CCDC7: variants seen among roughly 807,000 people sequenced by gnomAD.
CCDC7 encodes coiled-coil domain-containing protein 7.
Under a neutral mutation model 196.9 loss-of-function variants are expected in CCDC7, and 183 were observed. That is an observed-to-expected ratio of 0.93 (90% CI 0.82 to 1.05). The LOEUF is 1.05. Among genes scored for constraint, CCDC7 ranks in the 50% least tolerant of loss-of-function variants. The probability of loss-of-function intolerance (pLI) is 0.00; values close to 1 mark genes in which losing one functional copy is unlikely to be tolerated. For synonymous variants in CCDC7, 525 were observed against 484.6 expected (o/e 1.08, Z -1.10); for missense variants, 1,540 against 1,482.2 (o/e 1.04, Z -0.64).
chr10:32,555,877 G>C (rs2054261979), intron 13 of CCDC7, among the ~76,000 whole-genome samples: 2 of 152,176 alleles, frequency 1.3e-5, no homozygotes, highest in Admixed American at 1.3e-4. Context: ...TCCTATGTCT[G>C]ACGTTCCAGC....
At chr10:32,668,430 G>T (rs564643462) in intron 21 of CCDC7, among the ~76,000 whole-genome samples, 1 of 152,058 alleles carries the variant, frequency 6.6e-6, no homozygotes, top group Non-Finnish European at 1.5e-5. Flanking sequence ...GTGAGAGAGG[G>T]CATCCCTGTC....
Position 32,511,608 on chromosome 10 carries a change from G to A in CCDC7, c.873-6337G>A, listed in dbSNP as rs752216216. 691 of 1,592,760 alleles carry A rather than the reference G, an allele frequency of 4.3e-4. 1 individual carries two copies. Among genetic ancestry groups the A allele is most frequent in the Admixed American group, 6.3e-4 (38 of 59,984 alleles). On this transcript the variant is annotated intron_variant, in intron 9 of 41. Coordinates refer to ENST00000639629, the Ensembl canonical transcript of CCDC7. Reference sequence around the variant, plus strand: ...GCTTGTTCAAGTGGATCCAACTTCTGCAACAACTCATTTCTAGAAACAGAC... The same window carrying A: ...GCTTGTTCAAGTGGATCCAACTTCTACAACAACTCATTTCTAGAAACAGAC...
At chr10:32,603,039 A>C (rs1026918259) in intron 18 of CCDC7, among the ~76,000 whole-genome samples, 9 of 152,224 alleles carry the variant, frequency 5.9e-5, no homozygotes, top group Non-Finnish European at 1.3e-4. Context: ...GCTATCACAC[A>C]CTAGAGCTTA....
At chr10:32,711,317 T>A (rs1378936286) in intron 24 of CCDC7, among the ~76,000 whole-genome samples, 1 of 152,046 alleles carries the variant, frequency 6.6e-6, no homozygotes, top group East Asian at 1.9e-4. Flanking sequence ...ACCTTGAACA[T>A]ATGCATTTTC....
exon 22 of CCDC7, chr10:32,686,075 T>A (rs995563657): frequency 2.2e-6 from 3 of 1,394,798 alleles, no homozygotes; most frequent in Non-Finnish European, 3.0e-6. Context: ...GAGCAACCAC[T>A]CACCAGTAAG....
rs1220207238 is a variant in CCDC7 at position 32,588,707 on chromosome 10, G to A, written c.1801+4403G>A. The stretch of plus-strand genomic sequence containing the variant: ...CCCTATTCTTTTATTTTTTAGAAGA[G>A]TGTGAGGAGAATTGGTGTTAAATCT... On this transcript the variant is annotated intron_variant, in intron 18 of 41. Transcript: ENST00000639629. Among the ~76,000 whole-genome samples, 6 of 152,178 alleles carry A rather than the reference G, an allele frequency of 3.9e-5. No individual in the cohort carries two copies. The East Asian group carries it at 1.2e-3, about 29-fold the overall frequency.
intron 18 of CCDC7, among the ~76,000 whole-genome samples, chr10:32,608,675 G>A (rs953037058): frequency 1.3e-5 from 2 of 152,020 alleles, no homozygotes; most frequent in African/African-American, 4.8e-5. Context: ...TGAATAGCCG[G>A]GACTACAGGC....
chr10:32,580,937 A>G (rs527511381), intron 16 of CCDC7, among the ~76,000 whole-genome samples: 1 of 152,290 alleles, frequency 6.6e-6, no homozygotes, highest in East Asian at 1.9e-4. Flanking sequence ...GGCAGTTAAC[A>G]TTCAATGACA....
At chr10:32,848,635 G>A (rs1424356002) in exon 39 of CCDC7, 12 of 1,517,146 alleles carry the variant, frequency 7.9e-6, no homozygotes, top group Admixed American at 6.7e-5. Flanking sequence ...TCCGTACAAC[G>A]TCAAGAAGGT....
intron 21 of CCDC7, among the ~76,000 whole-genome samples, chr10:32,675,991 A>C (rs2074897009): frequency 6.6e-6 from 1 of 151,634 alleles, no homozygotes; most frequent in African/African-American, 2.4e-5. Flanking sequence ...ACTATACTAC[A>C]AGGCTACAGT....
At chr10:32,640,133 C>G (rs546683926) in intron 20 of CCDC7, among the ~76,000 whole-genome samples, 43 of 152,222 alleles carry the variant, frequency 2.8e-4, no homozygotes, top group Middle Eastern at 3.4e-3. Flanking sequence ...CTAATGTTGA[C>G]AGTGGGGTGT....
intron 11 of CCDC7, among the ~76,000 whole-genome samples, chr10:32,536,577 A>G (rs1480440397): frequency 2.0e-5 from 3 of 152,138 alleles, no homozygotes; most frequent in South Asian, 4.1e-4. Context: ...ACTGCATGTC[A>G]TGGGTGTTTG....
rs541953026 is a variant in CCDC7 at position 32,609,024 on chromosome 10, A to G, written c.1801+24720A>G. Reference sequence around the variant, plus strand: ...AAAAATTTGATGAGGCTGGTTTTGTAGCCTAAGATATGATCTATCCTGGAA... The same window carrying G: ...AAAAATTTGATGAGGCTGGTTTTGTGGCCTAAGATATGATCTATCCTGGAA... On this transcript the variant is annotated intron_variant, in intron 18 of 41. Transcript: ENST00000639629. Among the ~76,000 whole-genome samples the G allele has an allele frequency of 5.9e-5, 9 of 152,344 alleles. No individual in the cohort carries two copies. In the South Asian group the frequency reaches 1.9e-3, roughly 32 times the overall value.
At chr10:32,593,680 A>G (rs527322688) in intron 18 of CCDC7, among the ~76,000 whole-genome samples, 1 of 152,278 alleles carries the variant, frequency 6.6e-6, no homozygotes, top group East Asian at 1.9e-4. Context: ...TTATGGTTTC[A>G]GGTCTAACAT....
intron 41 of CCDC7, among the ~76,000 whole-genome samples, chr10:32,867,043 A>G (rs2094224071): frequency 6.6e-6 from 1 of 151,750 alleles, no homozygotes. Flanking sequence ...TGTTAAAAAT[A>G]TGTAGGTCAA....
At chr10:32,453,284 TTAATA>T (rs1194694401) in intron 1 of CCDC7, 55 bp from the exon 3 acceptor site, 22 of 1,150,530 alleles carry the variant, frequency 1.9e-5, no homozygotes, top group Non-Finnish European at 2.4e-5. Context: ...TTATTTACAT[TTAATA>T]TAATTAATTT....
At chr10:32,844,848 TATA>T (rs1483637892) in intron 33 of CCDC7, among the ~76,000 whole-genome samples, 3 of 151,786 alleles carry the variant, frequency 2.0e-5, no homozygotes, top group Admixed American at 6.6e-5. Context: ...ACTCTTCTAC[TATA>T]ATAATAAAAA....
At chr10:32,828,430 G>GGA (rs2091487212) in intron 32 of CCDC7, among the ~76,000 whole-genome samples, 3 of 95,004 alleles carry the variant, frequency 3.2e-5, no homozygotes, top group Non-Finnish European at 7.1e-5. Flanking sequence ...AGAAGAAGAA[G>GGA]GAAGGAAGGA....
At chr10:32,809,260 C>G (rs2086539679) in intron 30 of CCDC7, among the ~76,000 whole-genome samples, 1 of 151,738 alleles carries the variant, frequency 6.6e-6, no homozygotes, top group Admixed American at 6.6e-5. Context: ...ACGCCTGAAA[C>G]AGAATTGAAA....
Sources: allele counts gnomAD v4.1 joint callset (sites outside exome capture counted in the v4.1 genomes callset), GRCh38; gene constraint gnomAD v4.1.1; transcripts MANE v1.5; gene names NCBI Gene and HGNC (gene_info 2026-07-23, HGNC 2026-07-21).